NEK1: variants seen among roughly 807,000 people sequenced by gnomAD.
The protein encoded by NEK1 is serine/threonine-protein kinase Nek1.
In NEK1, 137 loss-of-function variants were observed where a neutral mutation model predicts 182.1. The observed-to-expected ratio is 0.75, with a 90% CI of 0.65 to 0.87. NEK1 has a LOEUF of 0.87. Ranked by LOEUF, NEK1 falls within the 40% of genes least tolerant of loss-of-function variation. The probability of loss-of-function intolerance (pLI) is 0.00; values close to 1 mark genes in which losing one functional copy is unlikely to be tolerated. For missense variants in NEK1, 1,391 were observed against 1,494.4 expected, an observed-to-expected ratio of 0.93 and a Z score of 1.14; for synonymous variants, 513 against 492.2, an observed-to-expected ratio of 1.04 and a Z score of -0.56.
chr4:169,587,487 TTAAAATATAA>T, intron 9 of NEK1, 62 bp downstream of exon 9: 1 of 870,204 alleles, frequency 1.1e-6, no homozygotes, highest in Non-Finnish European at 1.7e-6. Flanking sequence ...ATAATATAAC[TTAAAATATAA>T]TAAAAACATT....
chr4:169,411,199 G>A (rs1263031249), intron 31 of NEK1, among the ~76,000 whole-genome samples: 1 of 151,972 alleles, frequency 6.6e-6, no homozygotes, highest in African/African-American at 2.4e-5. Flanking sequence ...ATATTGAGAG[G>A]CATGATTTTA....
chr4:169,578,417 T>A (rs1766059094), intron 11 of NEK1, among the ~76,000 whole-genome samples: 1 of 152,152 alleles, frequency 6.6e-6, no homozygotes, highest in Non-Finnish European at 1.5e-5. Context: ...GCTAAATCAA[T>A]TTAAATCAAT....
chr4:169,459,595 A>G lies in NEK1; in HGVS notation c.2587+3648T>C, dbSNP rs547541552. ...GCTCATAGATGTTTATATCATCTTT[A>G]TTCATAATTGCTATCACTTGGAAGC... is the stretch of plus-strand genomic sequence containing the variant. On this transcript the variant is annotated intron_variant, in intron 27 of 35. Transcript: ENST00000507142. 1.9e-4 allele frequency among the ~76,000 whole-genome samples: 29 copies of G among 152,328 alleles called. 2 individuals are homozygous for G. In the South Asian group the frequency reaches 6.0e-3, roughly 32 times the overall value.
chr4:169,563,944 T>A (rs1763314924), intron 12 of NEK1, among the ~76,000 whole-genome samples: 1 of 152,208 alleles, frequency 6.6e-6, no homozygotes, highest in Admixed American at 6.5e-5. Context: ...ATTTGATAAT[T>A]ATTACATTAT....
intron 2 of NEK1, among the ~76,000 whole-genome samples, chr4:169,606,743 C>T (rs1320684409): frequency 1.3e-5 from 2 of 152,188 alleles, no homozygotes; most frequent in Admixed American, 1.3e-4. Context: ...CATAATAAAT[C>T]GTGAGACTCT....
At chr4:169,444,004 T>C (rs1740028001) in intron 27 of NEK1, among the ~76,000 whole-genome samples, 1 of 151,890 alleles carries the variant, frequency 6.6e-6, no homozygotes, top group East Asian at 1.9e-4. Flanking sequence ...AAGCAAAAAC[T>C]GGGAGAATTC....
At chr4:169,523,415 T>C (rs926067030) in intron 19 of NEK1, among the ~76,000 whole-genome samples, 1 of 152,110 alleles carries the variant, frequency 6.6e-6, no homozygotes, top group Admixed American at 6.5e-5. Flanking sequence ...GAAGACAGAC[T>C]CACACACAGC....
chr4:169,454,319 G>A (rs11132804), intron 27 of NEK1, among the ~76,000 whole-genome samples: 43,402 of 152,006 alleles, frequency 0.29, 8,875 homozygotes, highest in African/African-American at 0.59. Flanking sequence ...ACAAAAGCCA[G>A]AATAGACAAA....
intron 27 of NEK1, among the ~76,000 whole-genome samples, chr4:169,454,888 T>C (rs113805513): frequency 3.9e-5 from 6 of 152,354 alleles, no homozygotes; most frequent in African/African-American, 1.4e-4. Context: ...TGTATGTTTA[T>C]GGTGGCACTA....
At position 169,503,224 on chromosome 4, in the gene NEK1, T is replaced by C. The variant is rs186864407; in HGVS notation, c.2007+3813A>G. On this transcript the variant is annotated intron_variant, in intron 23 of 35. Coordinates refer to ENST00000507142, the MANE Select transcript of NEK1 (RefSeq NM_001199397.3). ...TACAAAACACTGATGAAGAAAATCA[T>C]AGATGACATAAACAAATGGAAGTGC... Among the ~76,000 whole-genome samples the C allele has an allele frequency of 4.7e-4, 71 of 152,042 alleles. 1 individual carries two copies. The highest frequency in any genetic ancestry group is 2.9e-5 in the Non-Finnish European group (2 of 67,936).
At position 169,424,809 on chromosome 4, in the gene NEK1, G is replaced by A; in HGVS notation, c.2975-9C>T. Reference sequence around the variant, plus strand: ...ATCATTGGTTCCAGGCTCTGTGGTAGAAAGGAGAGATTATGTGGTAAGTCT... The same window carrying A: ...ATCATTGGTTCCAGGCTCTGTGGTAAAAAGGAGAGATTATGTGGTAAGTCT... On this transcript the variant is annotated splice_polypyrimidine_tract_variant and intron_variant, in intron 30 of 35. Transcript: ENST00000507142. 1 of 1,597,632 alleles carries A rather than the reference G, an allele frequency of 6.3e-7. No homozygotes were observed. The highest frequency in any genetic ancestry group is 8.6e-7 in the Non-Finnish European group (1 of 1,167,134).
chr4:169,491,406 TCAG>T (rs1750070987), intron 23 of NEK1, among the ~76,000 whole-genome samples: 2 of 152,034 alleles, frequency 1.3e-5, no homozygotes, highest in South Asian at 4.2e-4. Context: ...CATTAGACTA[TCAG>T]CAGATTTCTC....
intron 23 of NEK1, among the ~76,000 whole-genome samples, chr4:169,501,407 G>A (rs62334480): frequency 0.46 from 70,030 of 151,990 alleles, 18,628 homozygotes; most frequent in East Asian, 0.76. Context: ...GTCCTAATTA[G>A]CATCTACAGA....
intron 35 of NEK1, among the ~76,000 whole-genome samples, chr4:169,398,576 T>A (rs1405303232): frequency 6.6e-6 from 1 of 152,210 alleles, no homozygotes; most frequent in African/African-American, 2.4e-5. Context: ...CAAATTTGTT[T>A]CCTGTTTTTA....
intron 27 of NEK1, among the ~76,000 whole-genome samples, chr4:169,443,101 A>ATCTATCTATCTCTCTC (rs1363038119): frequency 1.3e-5 from 2 of 148,178 alleles, no homozygotes; most frequent in African/African-American, 2.5e-5. Context: ...CTATCTATCT[A>ATCTATCTATCTCTCTC]TCTCATAATT....
At chr4:169,564,693 T>C (rs554687097) in intron 12 of NEK1, among the ~76,000 whole-genome samples, 2 of 152,312 alleles carry the variant, frequency 1.3e-5, no homozygotes, top group East Asian at 3.8e-4. Context: ...TAATTTAAAC[T>C]GCATATTTCT....
At chr4:169,540,797 G>A (rs1759277895) in intron 18 of NEK1, among the ~76,000 whole-genome samples, 1 of 151,096 alleles carries the variant, frequency 6.6e-6, no homozygotes. Context: ...AACAGGATAA[G>A]GGACATCAAA....
chr4:169,433,622 T>C lies in NEK1; in HGVS notation c.2808A>G (p.Gly936=), dbSNP rs767648325. ...ATGGCAAGCTCTCATCTTTGTTTGT[T>C]CCACTTGGCTCTTGTAGAATTTCTG... ...LETEILQEPS[G]TNKDESLPCT... is the part of the protein sequence containing the mutation. Residue 936 remains glycine, a synonymous_variant, in exon 29 of 36, where the codon GGA becomes GGG. Transcript: ENST00000507142. The C allele has an allele frequency of 6.2e-7, 1 of 1,613,482 alleles. No individual in the cohort carries two copies. The highest frequency in any genetic ancestry group is 8.5e-7 in the Non-Finnish European group (1 of 1,179,588).
chr4:169,568,804 G>A (rs1444806393), intron 12 of NEK1, among the ~76,000 whole-genome samples: 1 of 151,914 alleles, frequency 6.6e-6, no homozygotes, highest in Non-Finnish European at 1.5e-5. Flanking sequence ...GGGCATGGTG[G>A]CACATGCCTG....
Sources: allele counts gnomAD v4.1 joint callset (sites outside exome capture counted in the v4.1 genomes callset), GRCh38; gene constraint gnomAD v4.1.1; transcripts MANE v1.5; gene names NCBI Gene and HGNC (gene_info 2026-07-23, HGNC 2026-07-21).